GREM2: variants seen among roughly 807,000 people sequenced by gnomAD.
The protein encoded by GREM2 is gremlin 2, DAN family BMP antagonist.
Under a neutral mutation model 14.2 loss-of-function variants are expected in GREM2, and 11 were observed. The observed-to-expected ratio is 0.78, with a 90% confidence interval of 0.49 to 1.28. The LOEUF (loss-of-function observed/expected upper bound fraction) is 1.28, where lower values mean the gene tolerates loss of function less well. Among genes scored for constraint, GREM2 ranks in the 50% most tolerant of loss-of-function variants. The pLI, the probability that GREM2 is intolerant of heterozygous loss-of-function variation, is 0.00. For missense variants in GREM2, 210 were observed against 218.5 expected (o/e 0.96, Z 0.24); for synonymous variants, 98 against 97.6 (o/e 1.00, Z -0.02).
At chr1:240,592,788 T>C (rs1679737017) in intron 1 of GREM2, among the ~76,000 whole-genome samples, 1 of 152,074 alleles carries the variant, frequency 6.6e-6, no homozygotes, top group African/African-American at 2.4e-5. Context: ...CTGTGAGGCT[T>C]GGACTTGCCC....
At chr1:240,500,552 G>A (rs1010227974) in intron 1 of GREM2, among the ~76,000 whole-genome samples, 5 of 152,034 alleles carry the variant, frequency 3.3e-5, no homozygotes, top group African/African-American at 1.2e-4. Flanking sequence ...TGATCCATTC[G>A]CCTTGGCCTC....
At chr1:240,572,132 T>C (rs1323032858) in intron 1 of GREM2, among the ~76,000 whole-genome samples, 1 of 152,206 alleles carries the variant, frequency 6.6e-6, no homozygotes, top group Non-Finnish European at 1.5e-5. Flanking sequence ...TTCTCCAGCT[T>C]CAATTACAAC....
intron 1 of GREM2, among the ~76,000 whole-genome samples, chr1:240,559,450 T>C (rs1018123240): frequency 4.6e-5 from 7 of 151,238 alleles, no homozygotes; most frequent in African/African-American, 1.2e-4. Context: ...TTCAAGAAAT[T>C]CTCCTGCCTC....
At chr1:240,519,597 G>C (rs1328275265) in intron 1 of GREM2, among the ~76,000 whole-genome samples, 2 of 152,064 alleles carry the variant, frequency 1.3e-5, no homozygotes, top group Non-Finnish European at 2.9e-5. Context: ...TTTTGATAGA[G>C]ATTAAATATT....
intron 1 of GREM2, among the ~76,000 whole-genome samples, chr1:240,571,192 G>C (rs944338335): frequency 5.9e-5 from 9 of 152,078 alleles, no homozygotes; most frequent in East Asian, 5.8e-4. Flanking sequence ...ACTTAAAAAA[G>C]AACATTCCCT....
intron 1 of GREM2, among the ~76,000 whole-genome samples, chr1:240,561,666 T>C (rs900586116): frequency 2.0e-5 from 3 of 150,538 alleles, no homozygotes; most frequent in Non-Finnish European, 4.4e-5. Context: ...GGGAATTTTG[T>C]CATTAGTCAC....
Position 240,490,573 on chromosome 1 carries a change from T to C in GREM2, c.*2396A>G, listed in dbSNP as rs1046681836. On this transcript the variant is annotated 3_prime_UTR_variant, in exon 2 of 2. Transcript: ENST00000318160. ...ATAATTACATTATACTTATAGCTTTTCTTCATTTATAAACAAAACAAAAAA... is the reference window on the plus strand; with the variant it reads ...ATAATTACATTATACTTATAGCTTTCCTTCATTTATAAACAAAACAAAAAA... The C allele has an allele frequency of 2.6e-5, 4 of 152,664 alleles. No individual in the cohort carries two copies. Among genetic ancestry groups the C allele is most frequent in the Admixed American group, 6.5e-5 (1 of 15,290 alleles). 9.5% of individuals were successfully genotyped at this position (152,664 alleles called of 1,614,324 possible).
chr1:240,558,039 G>A (rs1001997467), intron 1 of GREM2, among the ~76,000 whole-genome samples: 6 of 152,142 alleles, frequency 3.9e-5, no homozygotes, highest in Non-Finnish European at 7.4e-5. Context: ...AATAATGTAT[G>A]CAGTTAAATT....
chr1:240,494,609 A>T (rs1423085483), intron 1 of GREM2, among the ~76,000 whole-genome samples: 1 of 152,240 alleles, frequency 6.6e-6, no homozygotes, highest in East Asian at 1.9e-4. Flanking sequence ...AGAGTCTCCT[A>T]GTAGAAACTA....
intron 1 of GREM2, among the ~76,000 whole-genome samples, chr1:240,506,174 G>A (rs566712830): frequency 1.3e-5 from 2 of 152,212 alleles, no homozygotes; most frequent in Non-Finnish European, 2.9e-5. Flanking sequence ...TTCTGGGCAA[G>A]AAGAATAAGT....
intron 1 of GREM2, among the ~76,000 whole-genome samples, chr1:240,501,733 T>C (rs981798348): frequency 2.0e-5 from 3 of 152,146 alleles, no homozygotes; most frequent in African/African-American, 7.2e-5. Context: ...TGTGACCCCG[T>C]GTGACTCACT....
intron 1 of GREM2, among the ~76,000 whole-genome samples, chr1:240,499,700 G>GT (rs1166401614): frequency 6.6e-6 from 1 of 152,162 alleles, no homozygotes; most frequent in African/African-American, 2.4e-5. Context: ...TTGCTTGCTT[G>GT]CTGAAACCAC....
chr1:240,502,768 A>G (rs1325376388), intron 1 of GREM2, among the ~76,000 whole-genome samples: 1 of 152,210 alleles, frequency 6.6e-6, no homozygotes, highest in Non-Finnish European at 1.5e-5. Context: ...CAAGATCTCC[A>G]TTCTTCCTTA....
At chr1:240,547,299 G>A (rs1678749616) in intron 1 of GREM2, among the ~76,000 whole-genome samples, 1 of 151,916 alleles carries the variant, frequency 6.6e-6, no homozygotes, top group African/African-American at 2.4e-5. Flanking sequence ...AGGAGATCAA[G>A]ACCATCCTGG....
intron 1 of GREM2, among the ~76,000 whole-genome samples, chr1:240,547,250 C>T (rs1254260452): frequency 6.6e-6 from 1 of 151,872 alleles, no homozygotes; most frequent in African/African-American, 2.4e-5. Flanking sequence ...CCTGTAATCC[C>T]AGGGCTTTGG....
chr1:240,500,925 G>A (rs1417191985), intron 1 of GREM2, among the ~76,000 whole-genome samples: 1 of 152,102 alleles, frequency 6.6e-6, no homozygotes, highest in Non-Finnish European at 1.5e-5. Context: ...ACTAAGTTGT[G>A]CCGAGTTGCT....
chr1:240,601,669 G>A (rs1261697055), intron 1 of GREM2, among the ~76,000 whole-genome samples: 1 of 152,182 alleles, frequency 6.6e-6, no homozygotes, highest in Non-Finnish European at 1.5e-5. Flanking sequence ...CACTTTGAGA[G>A]GCCGAGGCGG....
At chr1:240,510,317 C>T (rs950327426) in intron 1 of GREM2, among the ~76,000 whole-genome samples, 1 of 123,380 alleles carries the variant, frequency 8.1e-6, no homozygotes, top group Non-Finnish European at 1.6e-5. Context: ...TTGCACTGAG[C>T]AGAGATCGCG....
intron 1 of GREM2, among the ~76,000 whole-genome samples, chr1:240,560,645 A>G (rs1237452670): frequency 1.3e-5 from 2 of 152,152 alleles, no homozygotes; most frequent in Non-Finnish European, 2.9e-5. Flanking sequence ...TCTTTATTGA[A>G]TCTGATCTTA....
Sources: allele counts gnomAD v4.1 joint callset (sites outside exome capture counted in the v4.1 genomes callset), GRCh38; gene constraint gnomAD v4.1.1; transcripts MANE v1.5; gene names NCBI Gene and HGNC (gene_info 2026-07-23, HGNC 2026-07-21).